Variants in DENND2B observed in about 807,000 individuals in gnomAD.
The protein encoded by DENND2B is DENN domain-containing protein 2B.
DENND2B carries 32 observed loss-of-function variants against 116.0 expected under a neutral mutation model. The ratio of observed to expected loss-of-function variants is 0.28; its 90% CI spans 0.21 to 0.37. The LOEUF (loss-of-function observed/expected upper bound fraction) is 0.37. Ranked by LOEUF, DENND2B falls within the 10% of genes least tolerant of loss-of-function variation. The probability of loss-of-function intolerance (pLI) is 1.00; values close to 1 mark genes in which losing one functional copy is unlikely to be tolerated. For synonymous variants in DENND2B, 588 were observed against 583.9 expected, an observed-to-expected ratio of 1.01 and a Z score of -0.10; for missense variants, 1,276 against 1,477.7, an observed-to-expected ratio of 0.86 and a Z score of 2.24.
intron 2 of DENND2B, chr11:8,877,557 A>T (rs2063857784): frequency 6.6e-6 from 1 of 152,114 alleles, no homozygotes; most frequent in South Asian, 2.1e-4. Context: ...AAAGTCTAAA[A>T]ATTTACTCAT....
chr11:8,704,100 A>G (rs2042179156), intron 13 of DENND2B, among the ~76,000 whole-genome samples: 2 of 151,744 alleles, frequency 1.3e-5, no homozygotes, highest in African/African-American at 4.8e-5. Flanking sequence ...GGCTGCTCCC[A>G]CTCCCGGCCT....
chr11:8,899,851 C>T (rs1281277790), intron 1 of DENND2B, among the ~76,000 whole-genome samples: 1 of 152,102 alleles, frequency 6.6e-6, no homozygotes. Flanking sequence ...CTTTAAAAGC[C>T]ATAAGAGCAT....
intron 18 of DENND2B, chr11:8,695,952 A>G (rs2040282265): frequency 4.0e-6 from 1 of 247,114 alleles, no homozygotes; most frequent in African/African-American, 2.3e-5. Flanking sequence ...AAAAATTGTG[A>G]TGAGATGAAA....
chr11:8,813,774 T>G (rs1368214228), upstream of DENND2B, among the ~76,000 whole-genome samples: 1 of 152,090 alleles, frequency 6.6e-6, no homozygotes, highest in Non-Finnish European at 1.5e-5. Flanking sequence ...CCTAGTGGCA[T>G]GCTGGAGTTA....
chr11:8,879,532 T>A (rs2063879884), intron 2 of DENND2B, among the ~76,000 whole-genome samples: 1 of 152,220 alleles, frequency 6.6e-6, no homozygotes, highest in South Asian at 2.1e-4. Flanking sequence ...AAGAGTGACA[T>A]GATGTGCATT....
At chr11:8,710,957 C>G in intron 10 of DENND2B, 43 bp from the exon 11 acceptor site, 1 of 1,609,288 alleles carries the variant, frequency 6.2e-7, no homozygotes, top group Middle Eastern at 1.7e-4. Flanking sequence ...TGTGAGAGGA[C>G]CTAGGAAACA....
At chr11:8,837,473 G>C (rs2062473017) in intron 4 of DENND2B, among the ~76,000 whole-genome samples, 1 of 152,036 alleles carries the variant, frequency 6.6e-6, no homozygotes, top group African/African-American at 2.4e-5. Context: ...TCAGCCTCCT[G>C]AGTAGCTGGG....
intron 4 of DENND2B, among the ~76,000 whole-genome samples, chr11:8,820,835 A>G (rs2061732590): frequency 6.6e-6 from 1 of 152,182 alleles, no homozygotes; most frequent in Non-Finnish European, 1.5e-5. Context: ...GTAAGAGATG[A>G]CTATGGCTGG....
chr11:8,889,170 G>A (rs1473791110), intron 1 of DENND2B, among the ~76,000 whole-genome samples: 1 of 152,182 alleles, frequency 6.6e-6, no homozygotes, highest in East Asian at 1.9e-4. Flanking sequence ...AAATGTGGAA[G>A]CAACAAAAAT....
chr11:8,753,193 C>T (rs1037900602), intron 1 of DENND2B, among the ~76,000 whole-genome samples: 3 of 152,092 alleles, frequency 2.0e-5, no homozygotes, highest in African/African-American at 4.8e-5. Context: ...GCCAAGATTG[C>T]ACCACTGCAC....
chr11:8,754,224 CAAT>C (rs1384637294), intron 1 of DENND2B, among the ~76,000 whole-genome samples: 1 of 151,992 alleles, frequency 6.6e-6, no homozygotes, highest in Non-Finnish European at 1.5e-5. Context: ...TCTTTCAACT[CAAT>C]AATAAAAAAG....
At chr11:8,904,578 G>A (rs964820371) in intron 1 of DENND2B, among the ~76,000 whole-genome samples, 4 of 152,100 alleles carry the variant, frequency 2.6e-5, no homozygotes, top group Non-Finnish European at 5.9e-5. Flanking sequence ...AAGCCAGTGC[G>A]ATTAGGCAAG....
chr11:8,835,608 G>A (rs1037818436), intron 4 of DENND2B: 4 of 152,232 alleles, frequency 2.6e-5, no homozygotes, highest in African/African-American at 9.7e-5. Context: ...ACTTACCTGA[G>A]GGAGACCTAA....
intron 2 of DENND2B, among the ~76,000 whole-genome samples, chr11:8,858,899 G>T (rs527479419): frequency 1.3e-5 from 2 of 152,286 alleles, no homozygotes; most frequent in South Asian, 2.1e-4. Flanking sequence ...TGTCTGGAAG[G>T]CTAGATTAGT....
chr11:8,716,548 T>C (rs1224522698), intron 5 of DENND2B, among the ~76,000 whole-genome samples: 1 of 152,150 alleles, frequency 6.6e-6, no homozygotes, highest in Non-Finnish European at 1.5e-5. Context: ...CAGCAAATCC[T>C]CCTTCCTCCA....
chr11:8,706,585 C>G (rs921344240), intron 13 of DENND2B, among the ~76,000 whole-genome samples: 10 of 152,188 alleles, frequency 6.6e-5, no homozygotes, highest in Admixed American at 1.3e-4. Context: ...AGGAGACCTT[C>G]CCTGGCCCCT....
chr11:8,907,490 AAAATATATTTAC>A (rs67234573), intron 1 of DENND2B, among the ~76,000 whole-genome samples: 50,049 of 151,940 alleles, frequency 0.33, 10,222 homozygotes, highest in Non-Finnish European at 0.44. Context: ...TGCACATATA[AAAATATATTTAC>A]AAATATATTT....
chr11:8,797,156 C>G (rs1020716575), intron 1 of DENND2B, among the ~76,000 whole-genome samples: 1 of 152,178 alleles, frequency 6.6e-6, no homozygotes, highest in Non-Finnish European at 1.5e-5. Flanking sequence ...TACTCCACAT[C>G]CCTGCAGATG....
intron 1 of DENND2B, among the ~76,000 whole-genome samples, chr11:8,800,068 C>A (rs1256034793): frequency 6.6e-6 from 1 of 152,012 alleles, no homozygotes; most frequent in Non-Finnish European, 1.5e-5. Flanking sequence ...ATCATTCCAC[C>A]TCAGCCTCCC....
Sources: allele counts gnomAD v4.1 joint callset (sites outside exome capture counted in the v4.1 genomes callset), GRCh38; gene constraint gnomAD v4.1.1; transcripts MANE v1.5; gene names NCBI Gene and HGNC (gene_info 2026-07-23, HGNC 2026-07-21).